The following AUTS2 variants were observed in gnomAD, a reference collection of about 807,000 sequenced individuals.
The protein encoded by AUTS2 is activator of transcription and developmental regulator AUTS2.
In AUTS2, 17 loss-of-function variants were observed where a neutral mutation model predicts 112.4. The ratio of observed to expected loss-of-function variants is 0.15; its 90% CI spans 0.10 to 0.23. AUTS2 has a LOEUF of 0.23. Among genes scored for constraint, AUTS2 ranks in the 10% least tolerant of loss-of-function variants. The probability of loss-of-function intolerance (pLI) is 1.00; values close to 1 mark genes in which losing one functional copy is unlikely to be tolerated. For missense variants in AUTS2, 1,510 were observed against 1,701.6 expected, an observed-to-expected ratio of 0.89 and a Z score of 1.98; for synonymous variants, 751 against 702.7, an observed-to-expected ratio of 1.07 and a Z score of -1.09.
At chr7:70,212,962 T>C (rs1406006761) in intron 4 of AUTS2, among the ~76,000 whole-genome samples, 1 of 152,046 alleles carries the variant, frequency 6.6e-6, no homozygotes, top group Non-Finnish European at 1.5e-5. Flanking sequence ...AGATCAGTGG[T>C]TGGGGTGGGG....
chr7:70,762,925 G>A lies in AUTS2; in HGVS notation c.798G>A (p.Pro266=), dbSNP rs535996016. 33 of 1,614,102 alleles carry A rather than the reference G, an allele frequency of 2.0e-5. No homozygotes were observed. The highest frequency in any genetic ancestry group is 8.0e-5 in the African/African-American group (6 of 75,026). The change falls in exon 7 of 19, where the codon CCG becomes CCA. Residue 266 remains proline, a synonymous_variant. Coordinates refer to ENST00000342771, the MANE Select transcript of AUTS2 (RefSeq NM_015570.4). ...AACATGACAGCCAGGATGCAGGGCC[G>A]ATTGTCCCCAAGATATCGGGTCTAG... The part of the protein sequence containing the change: ...LPEHDSQDAG[P]IVPKISGLER...
intron 2 of AUTS2, among the ~76,000 whole-genome samples, chr7:69,927,203 T>TATATAC (rs1554406162): frequency 6.8e-6 from 1 of 147,726 alleles, no homozygotes. Flanking sequence ...TATATATATA[T>TATATAC]ATACATACTA....
chr7:70,072,324 G>A (rs1344521403), intron 2 of AUTS2, among the ~76,000 whole-genome samples: 2 of 152,092 alleles, frequency 1.3e-5, no homozygotes, highest in Non-Finnish European at 2.9e-5. Context: ...AGGACAGCTT[G>A]TGCCTGACCA....
At chr7:69,847,808 C>A (rs1246770484) in intron 1 of AUTS2, among the ~76,000 whole-genome samples, 1 of 152,206 alleles carries the variant, frequency 6.6e-6, no homozygotes, top group Admixed American at 6.5e-5. Flanking sequence ...GGGCTCTAAA[C>A]TTGCAGAGGC....
chr7:70,427,683 T>C (rs145999388), intron 4 of AUTS2, among the ~76,000 whole-genome samples: 1 of 152,340 alleles, frequency 6.6e-6, no homozygotes, highest in African/African-American at 2.4e-5. Flanking sequence ...TAATGGGTGG[T>C]AGAATGAACC....
At chr7:70,722,769 C>A (rs1243566978) in intron 6 of AUTS2, among the ~76,000 whole-genome samples, 1 of 152,114 alleles carries the variant, frequency 6.6e-6, no homozygotes, top group African/African-American at 2.4e-5. Flanking sequence ...TTAGAAAATC[C>A]TGTCCCTTTC....
chr7:70,664,670 T>C (rs1211958788), intron 5 of AUTS2, among the ~76,000 whole-genome samples: 1 of 152,140 alleles, frequency 6.6e-6, no homozygotes, highest in African/African-American at 2.4e-5. Context: ...ACTGGGAAGA[T>C]TGGGAAGCCA....
chr7:70,131,730 A>T (rs1211609884), intron 3 of AUTS2, among the ~76,000 whole-genome samples: 1 of 152,106 alleles, frequency 6.6e-6, no homozygotes, highest in Non-Finnish European at 1.5e-5. Context: ...GATTATAAAT[A>T]TATGACAGAG....
chr7:70,257,016 T>C (rs1272347943), intron 4 of AUTS2, among the ~76,000 whole-genome samples: 1 of 152,216 alleles, frequency 6.6e-6, no homozygotes, highest in Non-Finnish European at 1.5e-5. Context: ...GAAAATTAGA[T>C]GCCTGGCTTC....
rs551986122 is a variant in AUTS2 at position 70,472,867 on chromosome 7, T to C, written c.690+37086T>C. ...GTTTAACCACTCCAGTTGAATACCATCCTTGTGGAGCTCAGTGGAGAGAAA... is the reference window on the plus strand; with the variant it reads ...GTTTAACCACTCCAGTTGAATACCACCCTTGTGGAGCTCAGTGGAGAGAAA... On this transcript the variant is annotated intron_variant, in intron 5 of 18. Transcript: ENST00000342771. Among the ~76,000 whole-genome samples the C allele has an allele frequency of 2.0e-5, 3 of 152,324 alleles. No individual in the cohort carries two copies. The South Asian group carries it at 6.2e-4, about 32-fold the overall frequency.
intron 4 of AUTS2, among the ~76,000 whole-genome samples, chr7:70,142,544 G>T (rs562051503): frequency 1.4e-4 from 21 of 152,264 alleles, no homozygotes; most frequent in Admixed American, 8.5e-4. Flanking sequence ...TTGTTTGAAA[G>T]TAATGTATTT....
At chr7:70,719,168 C>G (rs1810533289) in intron 6 of AUTS2, among the ~76,000 whole-genome samples, 1 of 152,170 alleles carries the variant, frequency 6.6e-6, no homozygotes, top group Non-Finnish European at 1.5e-5. Flanking sequence ...ACAAGTTGCT[C>G]AAGGTTACAC....
intron 5 of AUTS2, among the ~76,000 whole-genome samples, chr7:70,677,926 AC>A (rs1393906276): frequency 4.6e-5 from 7 of 152,220 alleles, no homozygotes; most frequent in Admixed American, 3.3e-4. Context: ...TACTAAAAAT[AC>A]AAAAAATTAG....
chr7:70,297,607 T>TA (rs1354121168), intron 4 of AUTS2, among the ~76,000 whole-genome samples: 15 of 151,670 alleles, frequency 9.9e-5, no homozygotes, highest in Non-Finnish European at 2.9e-5. Context: ...TTTTTTTTTT[T>TA]ATATTTGTAG....
chr7:70,504,576 A>C (rs904882233), intron 5 of AUTS2, among the ~76,000 whole-genome samples: 2 of 152,216 alleles, frequency 1.3e-5, no homozygotes, highest in Non-Finnish European at 2.9e-5. Flanking sequence ...ACCGAGGAGC[A>C]GTAGCTGTCC....
chr7:70,275,033 TC>T (rs1787865589), intron 4 of AUTS2, among the ~76,000 whole-genome samples: 1 of 152,190 alleles, frequency 6.6e-6, no homozygotes, highest in Non-Finnish European at 1.5e-5. Flanking sequence ...ATGTGGTATA[TC>T]CATAGAACAG....
At chr7:70,215,504 T>A (rs1811122738) in intron 4 of AUTS2, among the ~76,000 whole-genome samples, 1 of 152,206 alleles carries the variant, frequency 6.6e-6, no homozygotes, top group African/African-American at 2.4e-5. Flanking sequence ...TTTGTATTTA[T>A]ATTTGGAAAA....
At chr7:70,057,378 C>T (rs1279515775) in intron 2 of AUTS2, among the ~76,000 whole-genome samples, 1 of 152,040 alleles carries the variant, frequency 6.6e-6, no homozygotes, top group Non-Finnish European at 1.5e-5. Flanking sequence ...GCATCAATGC[C>T]GGCTGACCGG....
chr7:70,143,622 C>T (rs1010711285), intron 4 of AUTS2, among the ~76,000 whole-genome samples: 2 of 152,178 alleles, frequency 1.3e-5, no homozygotes, highest in Admixed American at 1.3e-4. Flanking sequence ...TCTTTGGTGT[C>T]TAGTTTGCAG....
Sources: allele counts gnomAD v4.1 joint callset (sites outside exome capture counted in the v4.1 genomes callset), GRCh38; gene constraint gnomAD v4.1.1; transcripts MANE v1.5; gene names NCBI Gene and HGNC (gene_info 2026-07-23, HGNC 2026-07-21).